MTUS2: variants seen among roughly 807,000 people sequenced by gnomAD.
MTUS2 encodes the protein microtubule associated scaffold protein 2.
A neutral mutation model predicts 114.1 loss-of-function variants in MTUS2; 40 were observed. The ratio of observed to expected loss-of-function variants is 0.35; its 90% CI spans 0.27 to 0.46. MTUS2 has a LOEUF of 0.46. Among genes scored for constraint, MTUS2 ranks in the 20% least tolerant of loss-of-function variants. MTUS2 has a pLI of 1.00. For missense variants in MTUS2, 1,679 were observed against 1,705.4 expected (o/e 0.98, Z 0.27); for synonymous variants, 688 against 672.0 (o/e 1.02, Z -0.37).
At chr13:29,078,589 A>C (rs1244068083) in intron 4 of MTUS2, among the ~76,000 whole-genome samples, 1 of 152,246 alleles carries the variant, frequency 6.6e-6, no homozygotes, top group African/African-American at 2.4e-5. Context: ...GCAATTTTAT[A>C]ACATTTTCAC....
chr13:28,908,830 A>G (rs1317065121), intron 2 of MTUS2, among the ~76,000 whole-genome samples: 1 of 151,546 alleles, frequency 6.6e-6, no homozygotes, highest in Non-Finnish European at 1.5e-5. Flanking sequence ...TAGGTCTAAC[A>G]TGTAAGTCTT....
At chr13:28,896,520 A>G (rs1031742662) in intron 2 of MTUS2, among the ~76,000 whole-genome samples, 1 of 152,202 alleles carries the variant, frequency 6.6e-6, no homozygotes, top group Admixed American at 6.5e-5. Flanking sequence ...CAAGCTACCA[A>G]TGACTTTCTT....
rs927999047 is a variant in MTUS2 at position 29,084,789 on chromosome 13, C to G, written c.2447-15984C>G. On this transcript the variant is annotated intron_variant, in intron 4 of 15. Coordinates refer to ENST00000612955, the MANE Select transcript of MTUS2 (RefSeq NM_001033602.4). ...CTGACCTCAGGTGATCCACCCCCCC[C>G]CCTCACCGTTGGCCTTCCAAAGTGC... Among the ~76,000 whole-genome samples the G allele has an allele frequency of 8.1e-3, 913 of 113,242 alleles. 47 individuals are homozygous for G. The highest frequency in any genetic ancestry group is 0.016 in the Middle Eastern group (4 of 246). The allele number at this position is 113,242 out of a possible 152,430, so 74.3% of individuals were successfully genotyped here.
intron 2 of MTUS2, among the ~76,000 whole-genome samples, chr13:28,874,905 G>T (rs1877841307): frequency 6.6e-6 from 1 of 152,052 alleles, no homozygotes; most frequent in South Asian, 2.1e-4. Flanking sequence ...GTCTTGATTT[G>T]GTATCAATTA....
intron 7 of MTUS2, among the ~76,000 whole-genome samples, chr13:29,346,112 A>G (rs1248066370): frequency 6.6e-6 from 1 of 152,148 alleles, no homozygotes; most frequent in Non-Finnish European, 1.5e-5. Context: ...TTTTTAGTGC[A>G]CTGGCTTAGT....
At chr13:28,955,278 G>A (rs1052330513) in intron 2 of MTUS2, among the ~76,000 whole-genome samples, 1 of 152,276 alleles carries the variant, frequency 6.6e-6, no homozygotes, top group Admixed American at 6.5e-5. Context: ...TGCACCCCAT[G>A]CATAATTGAA....
intron 5 of MTUS2, among the ~76,000 whole-genome samples, chr13:29,213,870 T>C (rs1181280932): frequency 6.6e-6 from 1 of 152,162 alleles, no homozygotes; most frequent in Non-Finnish European, 1.5e-5. Context: ...TCAACCCACA[T>C]GTTCTTTCTT....
chr13:29,199,517 G>C (rs1026783053), intron 5 of MTUS2, among the ~76,000 whole-genome samples: 5 of 152,144 alleles, frequency 3.3e-5, no homozygotes, highest in African/African-American at 1.2e-4. Flanking sequence ...TGTTGAACCA[G>C]CCTTGCATCC....
intron 5 of MTUS2, among the ~76,000 whole-genome samples, chr13:29,218,440 G>T (rs1895771353): frequency 6.6e-6 from 1 of 152,144 alleles, no homozygotes; most frequent in South Asian, 2.1e-4. Flanking sequence ...TGAATATTTT[G>T]ACTTCTTCCT....
intron 9 of MTUS2, among the ~76,000 whole-genome samples, chr13:29,442,880 C>T (rs1877994223): frequency 6.6e-6 from 1 of 152,008 alleles, no homozygotes; most frequent in Non-Finnish European, 1.5e-5. Flanking sequence ...CAGTGTTACC[C>T]CCTGTAATTT....
At chr13:29,295,121 CTTTT>C (rs574096841) in intron 6 of MTUS2, among the ~76,000 whole-genome samples, 3 of 143,694 alleles carry the variant, frequency 2.1e-5, no homozygotes, top group Non-Finnish European at 4.6e-5. Context: ...TGGCTGTTGC[CTTTT>C]TTTTTTTTAC....
At chr13:29,196,241 C>CA (rs1260607572) in intron 5 of MTUS2, among the ~76,000 whole-genome samples, 1 of 151,920 alleles carries the variant, frequency 6.6e-6, no homozygotes, top group Non-Finnish European at 1.5e-5. Context: ...GGATTACAGG[C>CA]ACCTGCCACC....
At chr13:29,183,037 G>A (rs1227939160) in intron 5 of MTUS2, among the ~76,000 whole-genome samples, 2 of 152,222 alleles carry the variant, frequency 1.3e-5, no homozygotes, top group Non-Finnish European at 2.9e-5. Flanking sequence ...TGGGAAGCCA[G>A]TGGAAAGTTT....
intron 5 of MTUS2, among the ~76,000 whole-genome samples, chr13:29,158,451 T>A (rs1026635627): frequency 2.0e-5 from 3 of 149,254 alleles, no homozygotes; most frequent in Non-Finnish European, 4.4e-5. Flanking sequence ...ACACTTGAGT[T>A]CACTCTGTCT....
intron 8 of MTUS2, among the ~76,000 whole-genome samples, chr13:29,365,510 T>TTGTGTGTGTGTGTGTGTTTGTGTG (rs1870635188): frequency 6.8e-6 from 1 of 146,822 alleles, no homozygotes; most frequent in Non-Finnish European, 1.5e-5. Context: ...TTGTTTGGGT[T>TTGTGTGTGTGTGTGTGTTTGTGTG]TGTGTGTGTG....
intron 14 of MTUS2, among the ~76,000 whole-genome samples, 167 bp from the exon 15 acceptor site, chr13:29,500,930 G>T (rs1456056769): frequency 6.6e-6 from 1 of 152,080 alleles, no homozygotes; most frequent in Non-Finnish European, 1.5e-5. Context: ...AAGAAGAAAT[G>T]CTGGTCACAT....
intron 9 of MTUS2, among the ~76,000 whole-genome samples, chr13:29,463,908 C>T (rs73446135): frequency 0.019 from 2,860 of 152,256 alleles, 75 homozygotes; most frequent in African/African-American, 0.064. Flanking sequence ...CTAAGGCAAT[C>T]GCTTGAACCT....
intron 8 of MTUS2, among the ~76,000 whole-genome samples, chr13:29,390,184 A>G (rs1317229171): frequency 3.3e-5 from 5 of 150,092 alleles, no homozygotes; most frequent in African/African-American, 1.2e-4. Flanking sequence ...GTGTTTATGA[A>G]TATATATTTT....
At chr13:29,061,590 C>T (rs1201170271) in intron 4 of MTUS2, among the ~76,000 whole-genome samples, 7 of 30,606 alleles carry the variant, frequency 2.3e-4, no homozygotes, top group East Asian at 7.8e-4. Flanking sequence ...GCCTTGACCT[C>T]CCCAAACTTT....
Sources: allele counts gnomAD v4.1 joint callset (sites outside exome capture counted in the v4.1 genomes callset), GRCh38; gene constraint gnomAD v4.1.1; transcripts MANE v1.5; gene names NCBI Gene and HGNC (gene_info 2026-07-23, HGNC 2026-07-21).